Variants in LGSN observed in about 807,000 individuals in gnomAD.
The protein encoded by LGSN is lengsin, lens protein with glutamine synthetase domain.
LGSN carries 21 observed loss-of-function variants against 19.5 expected under a neutral mutation model. That is an observed-to-expected ratio of 1.07 (90% confidence interval 0.76 to 1.55). LGSN has a LOEUF of 1.55. Ranked by LOEUF, LGSN falls within the 40% of genes most tolerant of loss-of-function variation. The pLI is 0.00. For missense variants in LGSN, 673 were observed against 608.5 expected, an observed-to-expected ratio of 1.11 and a Z score of -1.12; for synonymous variants, 257 against 215.6, an observed-to-expected ratio of 1.19 and a Z score of -1.68.
At chr6:63,382,050 C>A in the LGSN span, among the ~76,000 whole-genome samples, 2 of 152,098 alleles carry the variant, frequency 1.3e-5, no homozygotes, top group Non-Finnish European at 2.9e-5. Flanking sequence ...AAGCAATCAA[C>A]CAAGTGCTAT....
chr6:63,473,284 G>A, the LGSN span, among the ~76,000 whole-genome samples: 2 of 151,444 alleles, frequency 1.3e-5, no homozygotes, highest in Non-Finnish European at 2.9e-5. Context: ...AGCAGCCTGG[G>A]CAACATGGCA....
Position 63,294,918 on chromosome 6 carries a change from G to C in LGSN, c.158C>G (p.Ser53Ter). 1 of 1,613,764 alleles carries C rather than the reference G, an allele frequency of 6.2e-7. No individual in the cohort carries two copies. Among genetic ancestry groups the C allele is most frequent in the Non-Finnish European group, 8.5e-7 (1 of 1,179,810 alleles). The stretch of plus-strand genomic sequence containing the variant: ...GACTCAGAGTAGTTAGATACCATTT[G>C]AATTGGACATATCCGTTTCTCCCAC... Reference protein sequence around the residue: ...TEVGETDMSNSNDCMRDSSQI... With the variant: ...TEVGETDMSN Residue 53 changes from serine (S) to a stop codon, truncating the protein, a stop_gained, in exon 2 of 4, where the codon TCA becomes TGA. Coordinates refer to ENST00000370657, the MANE Select transcript of LGSN (RefSeq NM_016571.3). LOFTEE classifies it high-confidence loss of function.
chr6:63,466,675 G>A, the LGSN span, among the ~76,000 whole-genome samples: 2 of 152,172 alleles, frequency 1.3e-5, no homozygotes, highest in African/African-American at 4.8e-5. Flanking sequence ...ATAAGAGAAA[G>A]TAAAGTCAAG....
At chr6:63,343,465 C>T in the LGSN span, among the ~76,000 whole-genome samples, 1 of 152,136 alleles carries the variant, frequency 6.6e-6, no homozygotes, top group Non-Finnish European at 1.5e-5. Flanking sequence ...AATAAGCAGT[C>T]CTGCTCTACC....
At chr6:63,381,348 G>T in the LGSN span, among the ~76,000 whole-genome samples, 2 of 152,236 alleles carry the variant, frequency 1.3e-5, no homozygotes, top group Non-Finnish European at 2.9e-5. Context: ...GAAGAAAGTA[G>T]TTGGTTGATG....
chr6:63,437,978 GTC>G, the LGSN span, among the ~76,000 whole-genome samples: 1 of 152,116 alleles, frequency 6.6e-6, no homozygotes, highest in East Asian at 1.9e-4. Context: ...CCCAAATTTA[GTC>G]TCTCTCCGTA....
chr6:63,449,119 T>C, the LGSN span, among the ~76,000 whole-genome samples: 1 of 152,176 alleles, frequency 6.6e-6, no homozygotes, highest in Non-Finnish European at 1.5e-5. Flanking sequence ...GGATTGCGGA[T>C]AGGTCCTGGA....
the LGSN span, among the ~76,000 whole-genome samples, chr6:63,511,957 A>G: frequency 1.3e-5 from 2 of 152,216 alleles, no homozygotes; most frequent in Admixed American, 6.5e-5. Flanking sequence ...CAGATTGAAA[A>G]AATTAAAAGT....
chr6:63,364,515 T>C, the LGSN span, among the ~76,000 whole-genome samples: 6 of 152,056 alleles, frequency 3.9e-5, no homozygotes, highest in Admixed American at 1.3e-4. Flanking sequence ...CTGTCAACAT[T>C]AGAGAGATCA....
the LGSN span, among the ~76,000 whole-genome samples, chr6:63,339,723 T>C: frequency 1.3e-5 from 2 of 152,162 alleles, no homozygotes; most frequent in Non-Finnish European, 2.9e-5. Context: ...ATTATGTTGT[T>C]TTCTGATTAT....
the LGSN span, among the ~76,000 whole-genome samples, chr6:63,329,399 G>A: frequency 1.3e-5 from 2 of 152,206 alleles, no homozygotes; most frequent in Non-Finnish European, 2.9e-5. Flanking sequence ...GGGTACAACT[G>A]GATATAGTGG....
At chr6:63,383,561 A>G in the LGSN span, among the ~76,000 whole-genome samples, 3 of 152,250 alleles carry the variant, frequency 2.0e-5, no homozygotes, top group East Asian at 5.8e-4. Context: ...AGTGCAAATT[A>G]TGCCCTCATA....
At position 63,318,545 on chromosome 6, in the gene LGSN, A is replaced by T. The variant is rs554327317; in HGVS notation, c.30+1369T>A. 2.0e-5 allele frequency among the ~76,000 whole-genome samples: 3 copies of T among 152,338 alleles called. No individual in the cohort carries two copies. The East Asian group carries it at 5.8e-4, about 29-fold the overall frequency. On this transcript the variant is annotated intron_variant, in intron 1 of 3. Transcript: ENST00000370657. ...TTCACCTTTATTACATCTAGTAAAT[A>T]CAATGCTCTATTCCAACTTTGAGGG...
At chr6:63,551,226 T>G in the LGSN span, among the ~76,000 whole-genome samples, 2 of 151,938 alleles carry the variant, frequency 1.3e-5, no homozygotes, top group East Asian at 3.9e-4. Flanking sequence ...CCACCACACC[T>G]GGCTAGTTTT....
chr6:63,314,956 C>T (rs1330827216), intron 1 of LGSN, among the ~76,000 whole-genome samples: 3 of 151,992 alleles, frequency 2.0e-5, no homozygotes, highest in African/African-American at 7.2e-5. Context: ...AGGTCACAAA[C>T]TCAGAAGGAC....
At chr6:63,355,467 A>G in the LGSN span, among the ~76,000 whole-genome samples, 1 of 152,210 alleles carries the variant, frequency 6.6e-6, no homozygotes, top group Admixed American at 6.6e-5. Context: ...TTGGGCTGCC[A>G]TAACCAAGTA....
upstream of LGSN, among the ~76,000 whole-genome samples, chr6:63,324,554 T>G (rs549605090): frequency 6.6e-6 from 1 of 152,132 alleles, no homozygotes; most frequent in South Asian, 2.1e-4. Context: ...AAATTAAAAT[T>G]ATATCAAGTG....
At chr6:63,283,686 C>G (rs1767412749) in intron 3 of LGSN, among the ~76,000 whole-genome samples, 1 of 149,784 alleles carries the variant, frequency 6.7e-6, no homozygotes, top group South Asian at 2.1e-4. Context: ...TTACTTTGCA[C>G]AGATGAATCT....
At chr6:63,346,120 G>A in the LGSN span, among the ~76,000 whole-genome samples, 449 of 152,106 alleles carry the variant, frequency 3.0e-3, 3 homozygotes, top group African/African-American at 0.01. Context: ...AGCAATAGGG[G>A]TGCTAGGTGA....
Sources: gnomAD v4.1 joint callset for allele counts (sites outside exome capture counted in the v4.1 genomes callset) on GRCh38, gnomAD v4.1.1 for gene constraint, MANE v1.5 for transcripts, NCBI Gene and HGNC (gene_info 2026-07-23, HGNC 2026-07-21) for gene names.